The following PLSCR1 variants were observed in gnomAD, a reference collection of about 807,000 sequenced individuals.
The protein encoded by PLSCR1 is phospholipid scramblase 1, also known as PL scramblase 1.
In PLSCR1, 17 loss-of-function variants were observed where a neutral mutation model predicts 37.8. That is an observed-to-expected ratio of 0.45 (90% CI 0.31 to 0.68). PLSCR1 has a LOEUF of 0.68. Among genes scored for constraint, PLSCR1 ranks in the 30% least tolerant of loss-of-function variants. PLSCR1 has a pLI of 0.06. For missense variants in PLSCR1, 347 were observed against 380.9 expected, an observed-to-expected ratio of 0.91 and a Z score of 0.74; for synonymous variants, 116 against 125.9, an observed-to-expected ratio of 0.92 and a Z score of 0.53.
At chr3:146,531,091 GAGATGGGA>G (rs1442550445) in intron 3 of PLSCR1, among the ~76,000 whole-genome samples, 4 of 152,176 alleles carry the variant, frequency 2.6e-5, no homozygotes, top group African/African-American at 9.6e-5. Context: ...GGTCGCTATT[GAGATGGGA>G]AGAGAAAAAG....
At chr3:146,519,763 G>C (rs954298217) in intron 7 of PLSCR1, among the ~76,000 whole-genome samples, 2 of 152,022 alleles carry the variant, frequency 1.3e-5, no homozygotes, top group Admixed American at 6.6e-5. Context: ...TTTTTAAAAA[G>C]CAGACTATCA....
Position 146,515,904 on chromosome 3 carries a change from A to C in PLSCR1, c.*141T>G, listed in dbSNP as rs1576776782. 9 of 538,884 alleles carry C rather than the reference A, an allele frequency of 1.7e-5. No homozygotes were observed. In the East Asian group the frequency reaches 2.9e-4, roughly 17 times the overall value. The allele number at this position is 538,884 out of a possible 1,614,324, so 33.4% of individuals were successfully genotyped here. A position where few individuals can be genotyped will look rare whatever the true frequency, so the allele number is the denominator to read the frequency against. On this transcript the variant is annotated 3_prime_UTR_variant, in exon 9 of 9. Transcript: ENST00000342435. Reference sequence around the variant, plus strand: ...AAAAACCTTTATAAATCAGTTATACAGAAGATAAACTATAATTTGAAAAGC... The same window carrying C: ...AAAAACCTTTATAAATCAGTTATACCGAAGATAAACTATAATTTGAAAAGC...
rs78373575 is a variant in PLSCR1, at chr3:146,516,605, A to G, written c.900+401T>C. 2.8e-3 allele frequency: 485 copies of G among 172,658 alleles called. 1 individual carries two copies. The highest frequency in any genetic ancestry group is 0.013 in the Middle Eastern group (5 of 378). The allele number at this position is 172,658 out of a possible 1,614,324, so 10.7% of individuals were successfully genotyped here. A position where few individuals can be genotyped will look rare whatever the true frequency, so the allele number is the denominator to read the frequency against. ...TTGAGTGAATGTACACTCTTATTGT[A>G]CTTCATACTCCTATATTAGATGGTT... On this transcript the variant is annotated intron_variant, in intron 8 of 8. Coordinates refer to ENST00000342435, the MANE Select transcript of PLSCR1 (RefSeq NM_021105.3).
Position 146,524,758 on chromosome 3 carries a change from A to G in PLSCR1, c.355+847T>C, listed in dbSNP as rs1391006599. Among the ~76,000 whole-genome samples, 3 of 152,234 alleles carry G rather than the reference A, an allele frequency of 2.0e-5. No individual in the cohort carries two copies. In the East Asian group the frequency reaches 5.8e-4, roughly 29 times the overall value. On this transcript the variant is annotated intron_variant, in intron 5 of 8. Coordinates refer to ENST00000342435, the MANE Select transcript of PLSCR1 (RefSeq NM_021105.3). Reference sequence around the variant, plus strand: ...GTGCTTTACAAATAACTTCAATGTAATAGATGACAATTGTATATTTTAGCC... The same window carrying G: ...GTGCTTTACAAATAACTTCAATGTAGTAGATGACAATTGTATATTTTAGCC...
At chr3:146,530,874 C>A (rs1012143029) in intron 3 of PLSCR1, among the ~76,000 whole-genome samples, 1 of 152,112 alleles carries the variant, frequency 6.6e-6, no homozygotes, top group African/African-American at 2.4e-5. Context: ...CTATATCTTA[C>A]AAAATTTTCA....
intron 3 of PLSCR1, among the ~76,000 whole-genome samples, chr3:146,530,389 C>T (rs1390871138): frequency 6.6e-6 from 1 of 152,154 alleles, no homozygotes; most frequent in African/African-American, 2.4e-5. Flanking sequence ...CATAATGTGA[C>T]TGGCTGTGTT....
chr3:146,522,903 G>T (rs343313), intron 5 of PLSCR1, among the ~76,000 whole-genome samples: 40,275 of 151,496 alleles, frequency 0.27, 5,420 homozygotes, highest in African/African-American at 0.33. Flanking sequence ...AGATGTTTAT[G>T]TATATGCACA....
At chr3:146,522,478 A>G (rs1317379703) in intron 5 of PLSCR1, among the ~76,000 whole-genome samples, 1 of 152,124 alleles carries the variant, frequency 6.6e-6, no homozygotes, top group Non-Finnish European at 1.5e-5. Flanking sequence ...TTGTTAAACA[A>G]ATGCTTGAAG....
At chr3:146,538,285 G>A (rs2044292311) in intron 1 of PLSCR1, among the ~76,000 whole-genome samples, 1 of 152,174 alleles carries the variant, frequency 6.6e-6, no homozygotes. Flanking sequence ...TCCATCATAT[G>A]AAGAACTGTG....
At chr3:146,528,979 T>A (rs2044158664) in intron 3 of PLSCR1, 148 bp from the exon 4 acceptor site, 1 of 633,494 alleles carries the variant, frequency 1.6e-6, no homozygotes. Context: ...CTTTCTGAGA[T>A]TTTTCAATGA....
At chr3:146,525,724 G>T (rs1576786576) in intron 4 of PLSCR1, 77 bp from the exon 5 acceptor site, 2 of 660,506 alleles carry the variant, frequency 3.0e-6, no homozygotes, top group South Asian at 2.0e-5. Context: ...TAAAATTCAT[G>T]TATTTATATT....
chr3:146,521,583 T>C lies in PLSCR1; in HGVS notation c.699A>G (p.Pro233=). Reference sequence around the variant, plus strand: ...CTCCACAACAGCTGCACACAACACATGGACCACTTATTTTTAGTACATCCT... The same window carrying C: ...CTCCACAACAGCTGCACACAACACACGGACCACTTATTTTTAGTACATCCT... The part of the protein sequence containing the change: ...KREDVLKISG[P]CVVCSCCGDV... Residue 233 remains proline (P), a synonymous_variant, in exon 7 of 9, where the codon CCA becomes CCG. Coordinates refer to ENST00000342435, the MANE Select transcript of PLSCR1 (RefSeq NM_021105.3). The C allele has an allele frequency of 1.9e-6, 3 of 1,614,032 alleles. No homozygotes were observed. Among genetic ancestry groups the C allele is most frequent in the South Asian group, 1.1e-5 (1 of 91,086 alleles).
intron 1 of PLSCR1, chr3:146,540,844 C>G (rs538880391): frequency 5.3e-5 from 8 of 152,012 alleles, no homozygotes; most frequent in African/African-American, 1.9e-4. Context: ...TTCAAGTAGG[C>G]CAGGGGAACA....
Position 146,521,892 on chromosome 3 carries a change from T to G in PLSCR1, c.517A>C (p.Ile173Leu), listed in dbSNP as rs1184925333. The G allele has an allele frequency of 1.9e-6, 3 of 1,614,018 alleles. No homozygotes were observed. The highest frequency in any genetic ancestry group is 2.2e-5 in the East Asian group (1 of 44,876). ...RIIDNMGQEV[I>L]TLERPLRCSS... ...CATCTTAGTGGTCTCTCCAGAGTTA[T>G]GACTTCTTGACCCATATTATCAATA... Residue 173 changes from isoleucine (I) to leucine (L), a missense_variant, in exon 6 of 9, where the codon ATA becomes CTA. Coordinates refer to ENST00000342435, the MANE Select transcript of PLSCR1 (RefSeq NM_021105.3).
chr3:146,521,078 A>G (rs1386863455), intron 7 of PLSCR1, among the ~76,000 whole-genome samples: 1 of 152,152 alleles, frequency 6.6e-6, no homozygotes, highest in African/African-American at 2.4e-5. Context: ...TACATATTAT[A>G]CTAATTTTCT....
intron 4 of PLSCR1, among the ~76,000 whole-genome samples, chr3:146,526,183 C>CAAAAAAAAAAAAAAAAAAAAAAAAAAAA (rs60229241): frequency 2.3e-4 from 10 of 42,816 alleles, no homozygotes; most frequent in Non-Finnish European, 4.1e-4. Context: ...GACTCCATCT[C>CAAAAAAAAAAAAAAAAAAAAAAAAAAAA]AAAAAAAAAA....
chr3:146,534,739 G>A (rs59214879), intron 2 of PLSCR1, among the ~76,000 whole-genome samples: 4,446 of 152,228 alleles, frequency 0.029, 231 homozygotes, highest in African/African-American at 0.1. Flanking sequence ...AGCCAGGCAT[G>A]GTGGCACGCG....
At position 146,527,452 on chromosome 3, in the gene PLSCR1, A is replaced by G. The variant is rs188810262; in HGVS notation, c.312+1162T>C. Among the ~76,000 whole-genome samples the G allele has an allele frequency of 9.8e-5, 15 of 152,350 alleles. No homozygotes were observed. The East Asian group carries it at 2.9e-3, about 29-fold the overall frequency. Reference sequence around the variant, plus strand: ...TAAAATGCCAGACTGTACTCCATAAATATGCACAATTATTATGTGTCAAAA... The same window carrying G: ...TAAAATGCCAGACTGTACTCCATAAGTATGCACAATTATTATGTGTCAAAA... On this transcript the variant is annotated intron_variant, in intron 4 of 8. Coordinates refer to ENST00000342435, the MANE Select transcript of PLSCR1 (RefSeq NM_021105.3).
intron 4 of PLSCR1, 70 bp downstream of exon 4, chr3:146,528,544 T>G (rs1241347358): frequency 8.3e-7 from 1 of 1,202,254 alleles, no homozygotes; most frequent in South Asian, 1.2e-5. Flanking sequence ...ATTATTCATT[T>G]GCTAATCTGG....
Sources: gnomAD v4.1 joint callset for allele counts (sites outside exome capture counted in the v4.1 genomes callset) on GRCh38, gnomAD v4.1.1 for gene constraint, MANE v1.5 for transcripts, NCBI Gene and HGNC (gene_info 2026-07-23, HGNC 2026-07-21) for gene names.